Variants in KRT77 observed in about 807,000 individuals in gnomAD.
KRT77 encodes keratin, type II cytoskeletal 1b.
KRT77 carries 44 observed loss-of-function variants against 51.5 expected under a neutral mutation model. The ratio of observed to expected loss-of-function variants is 0.85; its 90% CI spans 0.67 to 1.10. The LOEUF (loss-of-function observed/expected upper bound fraction) is 1.10, where lower values mean the gene tolerates loss of function less well. Ranked by LOEUF, KRT77 falls within the 50% of genes least tolerant of loss-of-function variation. The pLI is 0.00. For synonymous variants in KRT77, 293 were observed against 302.0 expected, an observed-to-expected ratio of 0.97 and a Z score of 0.31; for missense variants, 763 against 743.9, an observed-to-expected ratio of 1.03 and a Z score of -0.30.
Position 52,691,234 on chromosome 12 carries a change from G to GCCGCTTCTGCCGCTCCCTCCGTAGCTC in KRT77, c.1641_1667dup (p.Ser548_Gly556dup), listed in dbSNP as rs1338824830. The GCCGCTTCTGCCGCTCCCTCCGTAGCTC allele has an allele frequency of 6.2e-7, 1 of 1,613,250 alleles. No individual in the cohort carries two copies. Among genetic ancestry groups the GCCGCTTCTGCCGCTCCCTCCGTAGCTC allele is most frequent in the East Asian group, 2.2e-5 (1 of 44,840 alleles). ...TGATCTGCACGCGCGAGGATCCGCG[G>GCCGCTTCTGCCGCTCCCTCCGTAGCTC]CCGCTTCTGCCGCTCCCTCCGTAGC... On this transcript the variant is annotated inframe_insertion, in exon 9 of 9. Coordinates refer to ENST00000341809, the MANE Select transcript of KRT77 (RefSeq NM_175078.3).
chr12:52,697,587 C>A lies in KRT77; in HGVS notation c.758+95G>T, dbSNP rs1020012062. ...TGCAGAGCCTGCATGCCCCGCCCCC[C>A]ACCCTTACACACAAACACTGAAGCC... On this transcript the variant is annotated intron_variant, in intron 2 of 8. Transcript: ENST00000341809. The A allele has an allele frequency of 4.3e-5, 10 of 232,728 alleles. 1 individual carries two copies. The highest frequency in any genetic ancestry group is 1.2e-4 in the South Asian group (2 of 16,342). 14.4% of individuals were successfully genotyped at this position (232,728 alleles called of 1,614,324 possible). A position where few individuals can be genotyped will look rare whatever the true frequency, so the allele number is the denominator to read the frequency against.
In KRT77 at chr12:52,697,890, A is replaced by G. The variant is rs762876592; in HGVS notation, c.550T>C (p.Phe184Leu). Residue 184 changes from phenylalanine (F) to leucine (L), a missense_variant, in exon 2 of 9, where the codon TTC becomes CTC. Transcript: ENST00000341809. ...AGCACCTGGTTCTGCTGCTCCAGGA[A>G]TCGCACCTAAGAGCAAGAGACCCCA... The part of the protein sequence containing the change: ...KFASFIDKVR[F>L]LEQQNQVLQT... The G allele has an allele frequency of 1.9e-6, 3 of 1,613,312 alleles. No individual in the cohort carries two copies. The South Asian group carries it at 3.3e-5, about 18-fold the overall frequency.
At position 52,691,360 on chromosome 12, in the gene KRT77, G is replaced by A; in HGVS notation, c.1542C>T (p.Gly514=). The A allele has an allele frequency of 1.3e-6, 2 of 1,595,016 alleles. No homozygotes were observed. The highest frequency in any genetic ancestry group is 1.7e-6 in the Non-Finnish European group (2 of 1,172,588). ...TTCCGCCGCCATAGCCCCCACCGCT[G>A]CCGCCGCCGTAGCCTCCTGAGCCGT... ...GSYGSGGYGG[G]SGGGYGGGRS... is the part of the protein sequence containing the mutation. The change falls in exon 9 of 9, where the codon GGC becomes GGT. Residue 514 remains glycine (G), a synonymous_variant. Coordinates refer to ENST00000341809, the MANE Select transcript of KRT77 (RefSeq NM_175078.3).
chr12:52,698,829 C>T (rs1941840761), intron 1 of KRT77, among the ~76,000 whole-genome samples: 1 of 152,250 alleles, frequency 6.6e-6, no homozygotes, highest in African/African-American at 2.4e-5. Context: ...CGCCCAAAAA[C>T]ACACACCCTC....
rs1329123658 is a variant in KRT77, at chr12:52,702,992, G to C, written c.443C>G (p.Pro148Arg). Residue 148 changes from proline to arginine, a missense_variant, in exon 1 of 9, where the codon CCA becomes CGA. Transcript: ENST00000341809. Reference protein sequence around the residue: ...EVTINQSLLEPLHLEVDPEIQ... With the variant: ...EVTINQSLLERLHLEVDPEIQ... ...TTCAGGGTCCACCTCCAGGTGAAGT[G>C]GCTCTAGGAGGCTCTGGTTAATGGT... is the stretch of plus-strand genomic sequence containing the variant. 23 of 1,614,006 alleles carry C rather than the reference G, an allele frequency of 1.4e-5. No homozygotes were observed. The highest frequency in any genetic ancestry group is 1.9e-5 in the Non-Finnish European group (22 of 1,179,996).
At chr12:52,698,036 T>A in intron 1 of KRT77, 140 bp from the exon 2 acceptor site, 1 of 1,427,510 alleles carries the variant, frequency 7.0e-7, no homozygotes, top group Admixed American at 2.0e-5. Context: ...AGCTTCCTTT[T>A]CTCGGGATTG....
chr12:52,700,294 A>G (rs1028165388), intron 1 of KRT77, among the ~76,000 whole-genome samples: 1 of 152,230 alleles, frequency 6.6e-6, no homozygotes, highest in African/African-American at 2.4e-5. Context: ...CTATTTAGAG[A>G]GATTACTATA....
At position 52,690,977 on chromosome 12, in the gene KRT77, C is replaced by T. The variant is rs1941694569; in HGVS notation, c.*188G>A. 4 of 741,716 alleles carry T rather than the reference C, an allele frequency of 5.4e-6. No homozygotes were observed. The highest frequency in any genetic ancestry group is 8.7e-6 in the Non-Finnish European group (4 of 459,284). The allele number at this position is 741,716 out of a possible 1,614,324, so 45.9% of individuals were successfully genotyped here. A position where few individuals can be genotyped will look rare whatever the true frequency, so the allele number is the denominator to read the frequency against. On this transcript the variant is annotated 3_prime_UTR_variant, in exon 9 of 9. Coordinates refer to ENST00000341809, the MANE Select transcript of KRT77 (RefSeq NM_175078.3). Reference sequence around the variant, plus strand: ...TGTGAATCTGACTGCAAGCCAGTGCCCTCCAAAGAGAGATCTGCTGTTTGG... The same window carrying T: ...TGTGAATCTGACTGCAAGCCAGTGCTCTCCAAAGAGAGATCTGCTGTTTGG...
intron 1 of KRT77, 131 bp downstream of exon 1, chr12:52,702,761 A>G: frequency 2.2e-6 from 2 of 910,206 alleles, no homozygotes; most frequent in Non-Finnish European, 3.4e-6. Context: ...TTGAAGCCCA[A>G]ATGGGTAAAT....
At chr12:52,701,904 C>T (rs1235155023) in intron 1 of KRT77, among the ~76,000 whole-genome samples, 1 of 152,174 alleles carries the variant, frequency 6.6e-6, no homozygotes, top group East Asian at 1.9e-4. Context: ...CTTCTCCTGC[C>T]CTGGCTCTGT....
intron 1 of KRT77, among the ~76,000 whole-genome samples, chr12:52,699,927 T>C (rs1941861309): frequency 6.6e-6 from 1 of 152,212 alleles, no homozygotes; most frequent in African/African-American, 2.4e-5. Context: ...TGTCATGCAC[T>C]CATGAAGTGC....
chr12:52,698,480 C>T (rs1366114748), intron 1 of KRT77, among the ~76,000 whole-genome samples: 1 of 152,096 alleles, frequency 6.6e-6, no homozygotes, highest in African/African-American at 2.4e-5. Context: ...GGCAAATGTC[C>T]TCATTTTTTA....
Position 52,691,442 on chromosome 12 carries a change from G to C in KRT77, c.1463-3C>G, listed in dbSNP as rs371653010. The C allele has an allele frequency of 6.3e-7, 1 of 1,579,518 alleles. No homozygotes were observed. The highest frequency in any genetic ancestry group is 8.6e-7 in the Non-Finnish European group (1 of 1,168,564). On this transcript the variant is annotated splice_polypyrimidine_tract_variant and splice_region_variant and intron_variant, in intron 8 of 8. Coordinates refer to ENST00000341809, the MANE Select transcript of KRT77 (RefSeq NM_175078.3). ...GCTCACCTGGCTGTTCTGCACGGCTGTGGGTAGGGGACAGTGCACACGGGG... is the reference window on the plus strand; with the variant it reads ...GCTCACCTGGCTGTTCTGCACGGCTCTGGGTAGGGGACAGTGCACACGGGG...
rs1412737024 is a variant in KRT77 at position 52,692,776 on chromosome 12, C to A, written c.1185G>T (p.Glu395Asp). The A allele has an allele frequency of 3.1e-6, 5 of 1,604,586 alleles. 1 individual carries two copies. Among genetic ancestry groups the A allele is most frequent in the South Asian group, 1.1e-5 (1 of 90,816 alleles). Reference sequence around the variant, plus strand: ...CCACCTGCTTCTTCACGTTGCTGATCTCTGCCTGCAGCCTCTGGACGGTGC... The same window carrying A: ...CCACCTGCTTCTTCACGTTGCTGATATCTGCCTGCAGCCTCTGGACGGTGC... ...LNRTVQRLQA[E>D]ISNVKKQIEQ... Residue 395 changes from glutamate (E) to aspartate (D), a missense_variant, in exon 6 of 9, where the codon GAG becomes GAT. Glu to Asp is a conservative substitution (Grantham distance 45, BLOSUM62 2). Coordinates refer to ENST00000341809, the MANE Select transcript of KRT77 (RefSeq NM_175078.3).
At chr12:52,693,143 G>GCT (rs1941742377) in intron 5 of KRT77, among the ~76,000 whole-genome samples, 2 of 150,744 alleles carry the variant, frequency 1.3e-5, no homozygotes, top group African/African-American at 4.8e-5. Context: ...AGACAAACCT[G>GCT]CTTTGTGATG....
chr12:52,691,423 C>T lies in KRT77; in HGVS notation c.1479G>A (p.Gln493=), dbSNP rs1277878663. Residue 493 remains glutamine (Q), a synonymous_variant, in exon 9 of 9, where the codon CAG becomes CAA. Transcript: ENST00000341809. The part of the protein sequence containing the change: ...SHVSISVQNS[Q]VSVNGGAGGG... ...CTCCCGCGCCGCCGTTGACGCTCAC[C>T]TGGCTGTTCTGCACGGCTGTGGGTA... 3.8e-6 allele frequency: 6 copies of T among 1,593,084 alleles called. No individual in the cohort carries two copies. The highest frequency in any genetic ancestry group is 5.1e-6 in the Non-Finnish European group (6 of 1,174,464).
At chr12:52,696,472 A>G (rs776095080) in intron 2 of KRT77, 42 bp from the exon 3 acceptor site, 6 of 1,567,464 alleles carry the variant, frequency 3.8e-6, no homozygotes, top group Non-Finnish European at 5.3e-6. Flanking sequence ...CTGCAGGCTG[A>G]CCTTGGCTCC....
rs1941703456 is a variant in KRT77 at position 52,691,318 on chromosome 12, G to A, written c.1584C>T (p.Gly528=). ...GYGGGRSYRG[G]GARGRSGGGY... ...CGCCTCCACTCCTGCCTCGTGCCCC[G>A]CCTCCGCGGTAGCTTCTTCCGCCGC... The change falls in exon 9 of 9, where the codon GGC becomes GGT. Residue 528 remains glycine, a synonymous_variant. Coordinates refer to ENST00000341809, the MANE Select transcript of KRT77 (RefSeq NM_175078.3). The A allele has an allele frequency of 1.9e-6, 3 of 1,600,006 alleles. No homozygotes were observed. Among genetic ancestry groups the A allele is most frequent in the African/African-American group, 2.7e-5 (2 of 74,512 alleles).
intron 5 of KRT77, among the ~76,000 whole-genome samples, chr12:52,694,376 C>T (rs775786704): frequency 5.3e-5 from 8 of 152,150 alleles, no homozygotes; most frequent in Non-Finnish European, 1.0e-4. Context: ...TTGCAGTTCT[C>T]GTCATTACTT....
Sources: gnomAD v4.1 joint callset for allele counts (sites outside exome capture counted in the v4.1 genomes callset) on GRCh38, gnomAD v4.1.1 for gene constraint, MANE v1.5 for transcripts, NCBI Gene and HGNC (gene_info 2026-07-23, HGNC 2026-07-21) for gene names.